The following TULP4 variants were observed in gnomAD, a reference collection of about 807,000 sequenced individuals.
TULP4 encodes TUB like protein 4.
Under a neutral mutation model 129.0 loss-of-function variants are expected in TULP4, and 16 were observed. That is an observed-to-expected ratio of 0.12 (90% CI 0.08 to 0.19). The LOEUF (loss-of-function observed/expected upper bound fraction) is 0.19, where lower values mean the gene tolerates loss of function less well. TULP4 is among the 10% of genes least tolerant of loss of function. The pLI is 1.00. For missense variants in TULP4, 1,842 were observed against 2,059.1 expected, an observed-to-expected ratio of 0.89 and a Z score of 2.04; for synonymous variants, 998 against 854.0, an observed-to-expected ratio of 1.17 and a Z score of -2.94.
At chr6:158,450,043 T>G (rs1022848466) in intron 4 of TULP4, among the ~76,000 whole-genome samples, 1 of 152,208 alleles carries the variant, frequency 6.6e-6, no homozygotes, top group African/African-American at 2.4e-5. Flanking sequence ...TCGTTCTAGG[T>G]ATTTGAAACT....
rs1429891542 is a variant in TULP4 at position 158,508,033 on chromosome 6, TTTG to T, written c.*1342_*1344del. ...TACCTAGGTAGTTGGTTGATCACAG[TTTG>T]TTAATTGTATAAAAAAAAATTACCT... On this transcript the variant is annotated 3_prime_UTR_variant, in exon 14 of 14. Transcript: ENST00000367097. The T allele has an allele frequency of 1.3e-5, 2 of 152,120 alleles. No homozygotes were observed. The highest frequency in any genetic ancestry group is 6.5e-5 in the Admixed American group (1 of 15,276). The allele number at this position is 152,120 out of a possible 1,614,324, so 9.4% of individuals were successfully genotyped here. A position where few individuals can be genotyped will look rare whatever the true frequency, so the allele number is the denominator to read the frequency against.
At chr6:158,241,999 T>G in intron 1 of TULP4, 2 of 858,352 alleles carry the variant, frequency 2.3e-6, no homozygotes, top group South Asian at 1.3e-5. Flanking sequence ...GACATTTTGG[T>G]CCTTGTTAAT....
At chr6:158,343,568 A>G (rs1382096519) in intron 1 of TULP4, among the ~76,000 whole-genome samples, 2 of 152,094 alleles carry the variant, frequency 1.3e-5, no homozygotes, top group Non-Finnish European at 2.9e-5. Flanking sequence ...TTTCCCTCAC[A>G]TGAGGATACA....
intron 1 of TULP4, among the ~76,000 whole-genome samples, chr6:158,376,028 G>A (rs1013911186): frequency 7.9e-5 from 12 of 152,150 alleles, no homozygotes; most frequent in Admixed American, 2.6e-4. Context: ...CATGAAGGCC[G>A]GAAACTGTGG....
At chr6:158,443,233 C>CA (rs1375858026) in intron 3 of TULP4, among the ~76,000 whole-genome samples, 1 of 152,038 alleles carries the variant, frequency 6.6e-6, no homozygotes, top group Non-Finnish European at 1.5e-5. Flanking sequence ...CTGCCCGCCT[C>CA]GGCCTCCCAA....
At chr6:158,427,346 A>G (rs1381010627) in intron 2 of TULP4, among the ~76,000 whole-genome samples, 3 of 152,098 alleles carry the variant, frequency 2.0e-5, no homozygotes, top group Non-Finnish European at 4.4e-5. Flanking sequence ...GCGAGGAGGG[A>G]CTTTACTGCA....
At chr6:158,398,153 T>C (rs985336839) in intron 1 of TULP4, among the ~76,000 whole-genome samples, 42 of 152,306 alleles carry the variant, frequency 2.8e-4, no homozygotes, top group Admixed American at 9.2e-4. Flanking sequence ...CTTTCTCCCA[T>C]AGACACTAGC....
chr6:158,257,799 C>T (rs897151626), intron 1 of TULP4, among the ~76,000 whole-genome samples: 3 of 152,326 alleles, frequency 2.0e-5, no homozygotes, highest in African/African-American at 7.2e-5. Context: ...ACTCTCAAAG[C>T]AGCGGTACGA....
chr6:158,489,848 C>A (rs1203359261), intron 9 of TULP4, 116 bp downstream of exon 9: 1 of 1,254,838 alleles, frequency 8.0e-7, no homozygotes, highest in Non-Finnish European at 1.1e-6. Flanking sequence ...ACCTCCCTGC[C>A]TTTTCTTCCA....
At chr6:158,329,677 T>C (rs937599051) in intron 1 of TULP4, among the ~76,000 whole-genome samples, 11 of 152,242 alleles carry the variant, frequency 7.2e-5, no homozygotes, top group Middle Eastern at 6.8e-3. Context: ...TTTTTCACAA[T>C]TTTAGATTTT....
rs564417328 is a variant in TULP4 at position 158,332,585 on chromosome 6, T to C, written c.252+18317T>C. ...TACTCACTTTTTGACCCTCAGGCCA[T>C]TGGCAGCTGGGAGTATGGACAAGTG... On this transcript the variant is annotated intron_variant, in intron 1 of 13. Coordinates refer to ENST00000367097, the MANE Select transcript of TULP4 (RefSeq NM_020245.5). 5.2e-4 allele frequency among the ~76,000 whole-genome samples: 79 copies of C among 152,046 alleles called. 1 individual carries two copies. The highest frequency in any genetic ancestry group is 9.9e-4 in the Non-Finnish European group (67 of 68,006).
chr6:158,490,661 T>C (rs6455584), intron 9 of TULP4, among the ~76,000 whole-genome samples: 94,471 of 152,060 alleles, frequency 0.62, 30,089 homozygotes, highest in African/African-American at 0.76. Context: ...CCAGAAAGTC[T>C]GCCTGTGCTC....
intron 1 of TULP4, among the ~76,000 whole-genome samples, chr6:158,306,277 G>T (rs1779215330): frequency 6.6e-6 from 1 of 152,222 alleles, no homozygotes; most frequent in Non-Finnish European, 1.5e-5. Flanking sequence ...ACATTTGGCT[G>T]GGTGCTGTAG....
intron 5 of TULP4, among the ~76,000 whole-genome samples, chr6:158,458,075 A>C (rs569284914): frequency 6.6e-6 from 1 of 152,328 alleles, no homozygotes; most frequent in African/African-American, 2.4e-5. Context: ...AATCATGCAC[A>C]TGGTAATCTA....
intron 1 of TULP4, among the ~76,000 whole-genome samples, chr6:158,285,776 T>C (rs775249234): frequency 1.3e-5 from 2 of 152,222 alleles, no homozygotes; most frequent in Non-Finnish European, 2.9e-5. Flanking sequence ...GTGTGCTCTC[T>C]GTGTCTTCCC....
chr6:158,477,502 G>A (rs1320723899), intron 6 of TULP4, among the ~76,000 whole-genome samples: 1 of 152,170 alleles, frequency 6.6e-6, no homozygotes, highest in African/African-American at 2.4e-5. Flanking sequence ...CAGCCAACAA[G>A]CATATGAAAA....
chr6:158,316,012 G>C (rs1779483790), intron 1 of TULP4, among the ~76,000 whole-genome samples: 1 of 152,190 alleles, frequency 6.6e-6, no homozygotes. Flanking sequence ...CTCATATTCT[G>C]ACTTCTGTCA....
chr6:158,382,592 C>T (rs1777354068), intron 1 of TULP4, among the ~76,000 whole-genome samples: 2 of 152,108 alleles, frequency 1.3e-5, no homozygotes, highest in African/African-American at 4.8e-5. Flanking sequence ...GTGAAATTAC[C>T]TTCAATCACT....
upstream of TULP4, among the ~76,000 whole-genome samples, chr6:158,311,814 C>G (rs1211987567): frequency 6.6e-6 from 1 of 152,140 alleles, no homozygotes; most frequent in Non-Finnish European, 1.5e-5. Context: ...CAGCTGCTGA[C>G]AAATTGAATA....
Sources: gnomAD v4.1 joint callset for allele counts (sites outside exome capture counted in the v4.1 genomes callset) on GRCh38, gnomAD v4.1.1 for gene constraint, MANE v1.5 for transcripts, NCBI Gene and HGNC (gene_info 2026-07-23, HGNC 2026-07-21) for gene names.